CAMK1D: variants seen among roughly 807,000 people sequenced by gnomAD.
CAMK1D encodes the protein calcium/calmodulin-dependent protein kinase type 1D.
A neutral mutation model predicts 47.7 loss-of-function variants in CAMK1D; 9 were observed. The observed-to-expected ratio is 0.19, with a 90% CI of 0.11 to 0.33. CAMK1D has a LOEUF of 0.33. CAMK1D is among the 10% of genes least tolerant of loss of function. CAMK1D has a pLI of 1.00. For missense variants in CAMK1D, 291 were observed against 488.7 expected (o/e 0.60, Z 3.81); for synonymous variants, 184 against 184.9 (o/e 0.99, Z 0.04).
chr10:12,625,743 T>G (rs1839196353), intron 2 of CAMK1D, among the ~76,000 whole-genome samples: 1 of 151,846 alleles, frequency 6.6e-6, no homozygotes, highest in Admixed American at 6.6e-5. Flanking sequence ...GTGTATTCAG[T>G]CAGTCAGATT....
At chr10:12,798,095 G>A (rs1049674065) in intron 6 of CAMK1D, among the ~76,000 whole-genome samples, 1 of 152,240 alleles carries the variant, frequency 6.6e-6, no homozygotes, top group Non-Finnish European at 1.5e-5. Flanking sequence ...CACAGAGCGA[G>A]AGGTCAGAAG....
At chr10:12,739,466 T>G (rs1564527867) in intron 3 of CAMK1D, among the ~76,000 whole-genome samples, 1 of 149,488 alleles carries the variant, frequency 6.7e-6, no homozygotes, top group African/African-American at 2.5e-5. Flanking sequence ...TTTTTTTGTA[T>G]TTTCAGTAGA....
At chr10:12,623,797 G>A (rs776201277) in intron 2 of CAMK1D, among the ~76,000 whole-genome samples, 4 of 151,998 alleles carry the variant, frequency 2.6e-5, no homozygotes, top group Non-Finnish European at 5.9e-5. Flanking sequence ...TGCAATTAAG[G>A]GCCGGGTGTG....
At chr10:12,735,520 G>A (rs1187877369) in intron 3 of CAMK1D, among the ~76,000 whole-genome samples, 1 of 152,122 alleles carries the variant, frequency 6.6e-6, no homozygotes, top group Non-Finnish European at 1.5e-5. Context: ...AATTCAGGGA[G>A]CAAGAAGCGG....
chr10:12,391,433 C>G (rs1376143357), intron 1 of CAMK1D, among the ~76,000 whole-genome samples: 1 of 152,152 alleles, frequency 6.6e-6, no homozygotes, highest in Non-Finnish European at 1.5e-5. Flanking sequence ...GGCAGTTTCA[C>G]CCCAGCTGGG....
chr10:12,651,471 G>A (rs1839962579), intron 2 of CAMK1D, among the ~76,000 whole-genome samples: 2 of 151,404 alleles, frequency 1.3e-5, no homozygotes, highest in Non-Finnish European at 1.5e-5. Context: ...GGTTCATTGC[G>A]GCCTCAACTT....
chr10:12,740,730 G>A (rs745828634), intron 3 of CAMK1D, among the ~76,000 whole-genome samples: 2 of 152,212 alleles, frequency 1.3e-5, no homozygotes, highest in Non-Finnish European at 2.9e-5. Flanking sequence ...GATTTTGGGA[G>A]GCAGTGCCTC....
At chr10:12,804,384 TG>T (rs1284352834) in intron 6 of CAMK1D, among the ~76,000 whole-genome samples, 1 of 151,760 alleles carries the variant, frequency 6.6e-6, no homozygotes, top group Non-Finnish European at 1.5e-5. Flanking sequence ...GAGGCAGAGG[TG>T]GGCGGATTAC....
chr10:12,542,209 T>C (rs1376888412), intron 1 of CAMK1D, among the ~76,000 whole-genome samples: 1 of 152,156 alleles, frequency 6.6e-6, no homozygotes, highest in Non-Finnish European at 1.5e-5. Flanking sequence ...GCCTTTAATA[T>C]TGTGCTGACG....
At chr10:12,356,303 G>A (rs1837513756) in intron 1 of CAMK1D, among the ~76,000 whole-genome samples, 1 of 152,162 alleles carries the variant, frequency 6.6e-6, no homozygotes, top group Non-Finnish European at 1.5e-5. Flanking sequence ...GGGCTTGGAC[G>A]AACAGTTCAT....
intron 1 of CAMK1D, among the ~76,000 whole-genome samples, chr10:12,356,025 C>T (rs1425114665): frequency 2.6e-5 from 4 of 152,004 alleles, no homozygotes; most frequent in African/African-American, 4.8e-5. Flanking sequence ...CGGTCAAAGG[C>T]GGCCACAAGG....
At chr10:12,660,086 C>G (rs947929980) in intron 2 of CAMK1D, among the ~76,000 whole-genome samples, 4 of 152,200 alleles carry the variant, frequency 2.6e-5, no homozygotes, top group African/African-American at 9.7e-5. Flanking sequence ...CTAAGTAGGT[C>G]AATGCCCATT....
At chr10:12,759,000 C>A (rs1588893698) in intron 3 of CAMK1D, among the ~76,000 whole-genome samples, 1 of 152,216 alleles carries the variant, frequency 6.6e-6, no homozygotes, top group South Asian at 2.1e-4. Flanking sequence ...TGGGCATGCT[C>A]ACTGGCATGT....
At chr10:12,722,741 C>G (rs954083548) in intron 3 of CAMK1D, among the ~76,000 whole-genome samples, 2 of 152,170 alleles carry the variant, frequency 1.3e-5, no homozygotes, top group African/African-American at 4.8e-5. Flanking sequence ...ATTAAAATCC[C>G]TGTCCTAACA....
At chr10:12,592,175 A>G (rs931162992) in intron 2 of CAMK1D, among the ~76,000 whole-genome samples, 3 of 152,178 alleles carry the variant, frequency 2.0e-5, no homozygotes, top group African/African-American at 7.2e-5. Context: ...TCCACACTTT[A>G]GTGTTTTCTA....
Position 12,761,053 on chromosome 10 carries a change from C to T in CAMK1D, c.405C>T (p.Leu135=), listed in dbSNP as rs1318566717. The T allele has an allele frequency of 1.2e-6, 2 of 1,614,062 alleles. No homozygotes were observed. The highest frequency in any genetic ancestry group is 1.7e-6 in the Non-Finnish European group (2 of 1,180,040). ...AAGTCTTGGACGCCGTGTACTATCTCCACAGAATGGGCATCGTCCACAGAG... is the reference window on the plus strand; with the variant it reads ...AAGTCTTGGACGCCGTGTACTATCTTCACAGAATGGGCATCGTCCACAGAG... The part of the protein sequence containing the change: ...IRQVLDAVYY[L]HRMGIVHRDL... The change falls in exon 4 of 11, where the codon CTC becomes CTT. Residue 135 remains leucine, a synonymous_variant. Transcript: ENST00000619168.
At chr10:12,487,415 T>C (rs1834250555) in intron 1 of CAMK1D, among the ~76,000 whole-genome samples, 2 of 152,236 alleles carry the variant, frequency 1.3e-5, no homozygotes, top group Admixed American at 6.5e-5. Context: ...AGTGACCTTA[T>C]TGATCAATTC....
intron 1 of CAMK1D, among the ~76,000 whole-genome samples, chr10:12,523,720 CAGAGGGAGACCGTGGAAAGAGAGGG>C (rs1271028906): frequency 2.0e-5 from 3 of 152,108 alleles, no homozygotes; most frequent in East Asian, 1.9e-4. Flanking sequence ...GGCTGGGCAT[CAGAGGGAGACCGTGGAAAGAGAGGG>C]AGAGGGAGAC....
chr10:12,771,221 C>T (rs1014074612), intron 5 of CAMK1D, among the ~76,000 whole-genome samples: 38 of 152,334 alleles, frequency 2.5e-4, no homozygotes, highest in Admixed American at 2.1e-3. Context: ...TGAGCCGCCG[C>T]GCCTGAGTGA....
Sources: allele counts gnomAD v4.1 joint callset (sites outside exome capture counted in the v4.1 genomes callset), GRCh38; gene constraint gnomAD v4.1.1; transcripts MANE v1.5; gene names NCBI Gene and HGNC (gene_info 2026-07-23, HGNC 2026-07-21).